SLC71A1: variants seen among roughly 807,000 people sequenced by gnomAD.
SLC71A1 encodes solute carrier family 71 member 1.
chr1:100,049,836 G>T, the SLC71A1 span: 4 of 740,950 alleles, frequency 5.4e-6, no homozygotes, highest in African/African-American at 5.4e-5. Context: ...TATTAACATC[G>T]TTGTTATTGT....
chr1:100,041,850 G>A, the SLC71A1 span, among the ~76,000 whole-genome samples: 5 of 152,074 alleles, frequency 3.3e-5, no homozygotes, highest in African/African-American at 4.8e-5. Context: ...CTTGAACCTG[G>A]GAGGCCAAGA....
At chr1:100,074,928 T>A in the SLC71A1 span, among the ~76,000 whole-genome samples, 1 of 152,182 alleles carries the variant, frequency 6.6e-6, no homozygotes, top group African/African-American at 2.4e-5. Flanking sequence ...GTTAATCTTA[T>A]CTATAAAAAG....
chr1:100,038,169 C>G, the SLC71A1 span: 1 of 1,418,476 alleles, frequency 7.0e-7, no homozygotes, highest in Non-Finnish European at 9.7e-7. Context: ...TGGGACGGCA[C>G]TAGCTGCTGG....
the SLC71A1 span, among the ~76,000 whole-genome samples, chr1:100,075,325 A>G: frequency 1.3e-5 from 2 of 152,200 alleles, no homozygotes. Context: ...TCTTCCTTGT[A>G]ATGCTTATCA....
the SLC71A1 span, among the ~76,000 whole-genome samples, chr1:100,076,608 C>T: frequency 6.6e-6 from 1 of 152,100 alleles, no homozygotes; most frequent in South Asian, 2.1e-4. Flanking sequence ...TGCTGAGAGC[C>T]ACACAAAGCC....
the SLC71A1 span, among the ~76,000 whole-genome samples, chr1:100,059,516 T>G: frequency 6.6e-6 from 1 of 151,210 alleles, no homozygotes; most frequent in Non-Finnish European, 1.5e-5. Context: ...ATTAGCCTGT[T>G]TTATATATAT....
chr1:100,041,082 G>T, the SLC71A1 span, among the ~76,000 whole-genome samples: 5 of 152,184 alleles, frequency 3.3e-5, 1 homozygote, highest in Admixed American at 6.5e-5. Context: ...AGCCTATTTG[G>T]CCAGTTTAAA....
the SLC71A1 span, chr1:100,038,347 C>T: frequency 6.5e-7 from 1 of 1,541,654 alleles, no homozygotes; most frequent in East Asian, 2.4e-5. Context: ...GCGAGCGTCC[C>T]TCGGGGCCCC....
the SLC71A1 span, among the ~76,000 whole-genome samples, chr1:100,041,671 C>G: frequency 6.6e-6 from 1 of 152,286 alleles, no homozygotes; most frequent in Admixed American, 6.5e-5. Flanking sequence ...CGCCTGTAAT[C>G]CCAGCACTTT....
chr1:100,070,194 G>A, the SLC71A1 span, among the ~76,000 whole-genome samples: 1 of 152,180 alleles, frequency 6.6e-6, no homozygotes, highest in Admixed American at 6.5e-5. Flanking sequence ...TAAGGGCACA[G>A]GGGGCATGGT....
chr1:100,066,513 T>C, the SLC71A1 span, among the ~76,000 whole-genome samples: 2 of 152,148 alleles, frequency 1.3e-5, no homozygotes, highest in Non-Finnish European at 2.9e-5. Flanking sequence ...AGTTTTTTTT[T>C]CTTTAAGCTC....
chr1:100,038,428 C>G, the SLC71A1 span: 3 of 883,614 alleles, frequency 3.4e-6, no homozygotes, highest in East Asian at 5.4e-5. Context: ...CCTTCCCCCA[C>G]CCTGTCCGAG....
At chr1:100,075,778 G>C in the SLC71A1 span, among the ~76,000 whole-genome samples, 2 of 152,016 alleles carry the variant, frequency 1.3e-5, no homozygotes, top group Admixed American at 1.3e-4. Context: ...TCCTGGGCTC[G>C]AGTGATCCTC....
At chr1:100,053,472 A>G in the SLC71A1 span, among the ~76,000 whole-genome samples, 1 of 152,248 alleles carries the variant, frequency 6.6e-6, no homozygotes, top group African/African-American at 2.4e-5. Context: ...GGATGAAGAC[A>G]TAATTTAATT....
At chr1:100,043,282 T>C in the SLC71A1 span, 1 of 661,656 alleles carries the variant, frequency 1.5e-6, no homozygotes, top group Non-Finnish European at 1.9e-6. Flanking sequence ...TAAGGAACTC[T>C]GATTGTCTTT....
the SLC71A1 span, among the ~76,000 whole-genome samples, chr1:100,071,066 A>G: frequency 5.9e-5 from 9 of 152,146 alleles, no homozygotes; most frequent in African/African-American, 1.9e-4. Flanking sequence ...TGGAAAAACA[A>G]TGCATTTAAA....
the SLC71A1 span, among the ~76,000 whole-genome samples, chr1:100,044,686 T>G: frequency 6.6e-6 from 1 of 151,974 alleles, no homozygotes; most frequent in East Asian, 1.9e-4. Flanking sequence ...TGGCTAACTT[T>G]TTTGTATTTT....
At chr1:100,068,142 C>T in the SLC71A1 span, 23 of 1,614,030 alleles carry the variant, frequency 1.4e-5, no homozygotes, top group Non-Finnish European at 1.7e-5. Context: ...TGAGAAAATG[C>T]GGCCAGCATC....
At chr1:100,060,042 C>G in the SLC71A1 span, 3 of 1,539,796 alleles carry the variant, frequency 1.9e-6, no homozygotes, top group African/African-American at 4.1e-5. Flanking sequence ...CTAAATATCA[C>G]TTTCAGCTAT....
Sources: allele counts gnomAD v4.1 joint callset (sites outside exome capture counted in the v4.1 genomes callset), GRCh38; gene constraint gnomAD v4.1.1; transcripts MANE v1.5; gene names NCBI Gene and HGNC (gene_info 2026-07-23, HGNC 2026-07-21).